Variants in EPHX1 observed in about 807,000 individuals in gnomAD.
EPHX1 encodes the protein epoxide hydratase.
Under a neutral mutation model 43.2 loss-of-function variants are expected in EPHX1, and 40 were observed. The ratio of observed to expected loss-of-function variants is 0.93; its 90% confidence interval spans 0.72 to 1.21. The LOEUF (loss-of-function observed/expected upper bound fraction) is 1.21. EPHX1 is among the 50% of genes most tolerant of loss of function. The pLI is 0.00. For missense variants in EPHX1, 550 were observed against 570.4 expected (o/e 0.96, Z 0.36); for synonymous variants, 221 against 226.7 (o/e 0.98, Z 0.22).
chr1:225,844,481 G>C lies in EPHX1; in HGVS notation c.1041-17G>C. 6.2e-7 allele frequency: 1 copy of C among 1,614,106 alleles called. No homozygotes were observed. The highest frequency in any genetic ancestry group is 2.2e-5 in the East Asian group (1 of 44,882). On this transcript the variant is annotated splice_polypyrimidine_tract_variant and intron_variant, in intron 7 of 8. Transcript: ENST00000272167. ...CATGTGGCACTGAGAGTGGGGCTTT[G>C]TGTTCTGCGTTCCCAGGAAGTTCTC...
chr1:225,838,920 C>T (rs370431891), intron 4 of EPHX1, 39 bp downstream of exon 4: 116 of 1,596,622 alleles, frequency 7.3e-5, no homozygotes, highest in Non-Finnish European at 9.4e-5. Context: ...GCCCCGTCCT[C>T]GCCAAGGGTG....
At chr1:225,821,076 AAATAACAGAAAAAGAGTTCATTTG>A (rs1666959604) in intron 1 of EPHX1, among the ~76,000 whole-genome samples, 4 of 152,200 alleles carry the variant, frequency 2.6e-5, no homozygotes, top group Admixed American at 2.6e-4. Flanking sequence ...AACCACATTC[AAATAACAGAAAAAGAGTTCATTTG>A]AACTTTAAGT....
Position 225,820,046 on chromosome 1 carries a change from T to C in EPHX1, c.-5-8679T>C, listed in dbSNP as rs1025912499. ...TGAGTAATCTCCTGTCTGGGCCACC[T>C]TTCTTCACTCAACCACAAAATCCTC... On this transcript the variant is annotated intron_variant, in intron 1 of 8. Transcript: ENST00000272167. 2.6e-5 allele frequency among the ~76,000 whole-genome samples: 4 copies of C among 152,322 alleles called. No homozygotes were observed. In the East Asian group the frequency reaches 7.7e-4, roughly 29 times the overall value.
chr1:225,814,553 G>A (rs1029957967), intron 1 of EPHX1, among the ~76,000 whole-genome samples: 25 of 152,174 alleles, frequency 1.6e-4, no homozygotes, highest in Admixed American at 1.4e-3. Context: ...CCACGGGCCC[G>A]CCTGGCTGGC....
intron 1 of EPHX1, among the ~76,000 whole-genome samples, chr1:225,816,463 C>T (rs920063841): frequency 1.3e-5 from 2 of 152,172 alleles, no homozygotes; most frequent in Non-Finnish European, 2.9e-5. Context: ...ATGGAAGCAA[C>T]TCAACAGCTC....
rs1389042223 is a variant in EPHX1, at chr1:225,817,276, G to C, written c.-6+7107G>C. On this transcript the variant is annotated intron_variant, in intron 1 of 8. Transcript: ENST00000272167. The surrounding 1 kb of genome is among the most constrained non-coding windows in gnomAD (Gnocchi z 5.7). ...CCTCCGTCACTCTTGGGCCAGCCAA[G>C]GGAGTGGGGCTGGGAGCTTCAGGAT... Among the ~76,000 whole-genome samples, 1 of 152,220 alleles carries C rather than the reference G, an allele frequency of 6.6e-6. No individual in the cohort carries two copies. Among genetic ancestry groups the C allele is most frequent in the Non-Finnish European group, 1.5e-5 (1 of 68,040 alleles).
At chr1:225,841,000 C>T (rs1424981862) in intron 6 of EPHX1, 3 of 152,178 alleles carry the variant, frequency 2.0e-5, no homozygotes, top group African/African-American at 7.2e-5. Flanking sequence ...CTCATATAAC[C>T]TCTTCTCCCT....
intron 2 of EPHX1, among the ~76,000 whole-genome samples, chr1:225,831,328 C>G (rs772152130): frequency 1.3e-5 from 2 of 152,202 alleles, no homozygotes; most frequent in Non-Finnish European, 2.9e-5. Flanking sequence ...GCAGACAGAT[C>G]ACTTGAAGCC....
At chr1:225,835,259 G>T (rs970882734) in intron 3 of EPHX1, among the ~76,000 whole-genome samples, 2 of 151,950 alleles carry the variant, frequency 1.3e-5, no homozygotes, top group Non-Finnish European at 2.9e-5. Flanking sequence ...CACTCTGTCA[G>T]CCAGGCTGGA....
rs45553134 is a variant in EPHX1 at position 225,832,234 on chromosome 1, G to A, written c.364+275G>A. 5.3e-3 allele frequency: 2,344 copies of A among 439,310 alleles called. 28 individuals are homozygous for A. Among genetic ancestry groups the A allele is most frequent in the East Asian group, 0.032 (638 of 20,110 alleles). 27.2% of individuals were successfully genotyped at this position (439,310 alleles called of 1,614,324 possible). A position where few individuals can be genotyped will look rare whatever the true frequency, so the allele number is the denominator to read the frequency against. ...ATGATGTGGCAATCTTTGAGAGGAA[G>A]GATGGAGATGAGATTTAGACCCAGG... On this transcript the variant is annotated intron_variant, in intron 3 of 8. Transcript: ENST00000272167.
chr1:225,811,369 G>A (rs978935167), intron 1 of EPHX1, among the ~76,000 whole-genome samples: 4 of 152,126 alleles, frequency 2.6e-5, no homozygotes, highest in South Asian at 2.1e-4. Context: ...TTCAGGTTCC[G>A]CAAAGCCTGG....
intron 1 of EPHX1, among the ~76,000 whole-genome samples, chr1:225,823,478 A>G (rs1230310318): frequency 2.0e-5 from 3 of 152,186 alleles, no homozygotes; most frequent in Non-Finnish European, 4.4e-5. Context: ...TTGGCCATCA[A>G]GCTTCCCCAG....
rs143730920 is a variant in EPHX1 at position 225,820,171 on chromosome 1, C to T, written c.-5-8554C>T. On this transcript the variant is annotated intron_variant, in intron 1 of 8. Coordinates refer to ENST00000272167, the MANE Select transcript of EPHX1 (RefSeq NM_001136018.4). ...GGAGTGCAGTGGTGTGATCTTGGCTCACTGCAACCTCCGCCTCCTGGGTTC... is the reference window on the plus strand; with the variant it reads ...GGAGTGCAGTGGTGTGATCTTGGCTTACTGCAACCTCCGCCTCCTGGGTTC... 3.2e-3 allele frequency among the ~76,000 whole-genome samples: 487 copies of T among 152,208 alleles called. 2 individuals are homozygous for T. Among genetic ancestry groups the T allele is most frequent in the Non-Finnish European group, 5.5e-3 (371 of 68,010 alleles).
At chr1:225,813,015 C>T (rs952605402) in intron 1 of EPHX1, among the ~76,000 whole-genome samples, 1 of 152,186 alleles carries the variant, frequency 6.6e-6, no homozygotes, top group Non-Finnish European at 1.5e-5. Context: ...TTAATGTGTC[C>T]CCTCTCTGGA....
chr1:225,844,327 A>G (rs1327786703), intron 7 of EPHX1, among the ~76,000 whole-genome samples, 171 bp from the exon 8 acceptor site: 2 of 152,152 alleles, frequency 1.3e-5, no homozygotes, highest in African/African-American at 4.8e-5. Flanking sequence ...GCTCCAGTCT[A>G]GTGCCCTGGG....
intron 1 of EPHX1, among the ~76,000 whole-genome samples, chr1:225,823,542 G>A (rs7536297): frequency 2.0e-5 from 3 of 152,020 alleles, no homozygotes; most frequent in African/African-American, 7.3e-5. Context: ...GTTTGGACTC[G>A]AGGCTGCTGA....
rs940409396 is a variant in EPHX1 at position 225,817,536 on chromosome 1, T to C, written c.-6+7367T>C. The stretch of plus-strand genomic sequence containing the variant: ...ATGGGGGCAGGCTTGGGACCAGGCC[T>C]GCAGAAGCAGCAGACCCTCCAAGCC... On this transcript the variant is annotated intron_variant, in intron 1 of 8. Transcript: ENST00000272167. This position sits in a 1 kb window ranked among gnomAD's most constrained non-coding sequence, Gnocchi z 5.7. Among the ~76,000 whole-genome samples the C allele has an allele frequency of 2.0e-5, 3 of 152,174 alleles. No individual in the cohort carries two copies. The highest frequency in any genetic ancestry group is 7.2e-5 in the African/African-American group (3 of 41,452).
intron 2 of EPHX1, 64 bp from the exon 3 acceptor site, chr1:225,831,715 G>T: frequency 6.4e-7 from 1 of 1,552,922 alleles, no homozygotes; most frequent in South Asian, 1.1e-5. Context: ...TCTGGAAACA[G>T]ACTTTGCTCT....
At chr1:225,828,692 C>A (rs1259081235) in intron 1 of EPHX1, 33 bp from the exon 2 acceptor site, 1 of 1,600,608 alleles carries the variant, frequency 6.2e-7, no homozygotes, top group Non-Finnish European at 8.5e-7. Flanking sequence ...GCTGGGCGGG[C>A]TCCGTTGTTA....
Sources: gnomAD v4.1 joint callset for allele counts (sites outside exome capture counted in the v4.1 genomes callset) on GRCh38, gnomAD v4.1.1 for gene constraint, Gnocchi (gnomAD v3.1) non-coding constraint, MANE v1.5 for transcripts, NCBI Gene and HGNC (gene_info 2026-07-23, HGNC 2026-07-21) for gene names.